The following ITSN1 variants were observed in gnomAD, a reference collection of about 807,000 sequenced individuals.
ITSN1 encodes intersectin 1, also known as intersectin-1.
ITSN1 carries 58 observed loss-of-function variants against 239.8 expected under a neutral mutation model. The ratio of observed to expected loss-of-function variants is 0.24; its 90% CI spans 0.20 to 0.30. The LOEUF (loss-of-function observed/expected upper bound fraction) is 0.30, where lower values mean the gene tolerates loss of function less well. ITSN1 is among the 10% of genes least tolerant of loss of function. ITSN1 has a pLI of 1.00. For synonymous variants in ITSN1, 780 were observed against 770.8 expected, an observed-to-expected ratio of 1.01 and a Z score of -0.20; for missense variants, 1,558 against 2,103.3, an observed-to-expected ratio of 0.74 and a Z score of 5.07.
At chr21:33,805,393 C>T (rs1268353740) in intron 20 of ITSN1, among the ~76,000 whole-genome samples, 2 of 152,184 alleles carry the variant, frequency 1.3e-5, no homozygotes, top group African/African-American at 2.4e-5. Flanking sequence ...CCTTTTTCCT[C>T]TACCTTCCAT....
intron 1 of ITSN1, among the ~76,000 whole-genome samples, chr21:33,710,504 T>C (rs558894735): frequency 1.3e-5 from 2 of 152,296 alleles, no homozygotes; most frequent in East Asian, 3.9e-4. Flanking sequence ...TGGTTTAATC[T>C]TGCCATTTCT....
At chr21:33,711,380 C>T (rs137923907) in intron 1 of ITSN1, among the ~76,000 whole-genome samples, 28 of 151,648 alleles carry the variant, frequency 1.8e-4, no homozygotes, top group Admixed American at 8.5e-4. Context: ...TTTTATTCAT[C>T]CTGCCATATC....
At chr21:33,856,970 G>A in intron 30 of ITSN1, 113 bp downstream of exon 30, 1 of 1,025,970 alleles carries the variant, frequency 9.7e-7, no homozygotes, top group East Asian at 2.5e-5. Context: ...ACTTTCTGAT[G>A]TTTGAGGAGC....
chr21:33,843,366 A>C (rs2074889488), intron 29 of ITSN1, among the ~76,000 whole-genome samples: 1 of 152,152 alleles, frequency 6.6e-6, no homozygotes, highest in Admixed American at 6.5e-5. Context: ...GCCATTGGTA[A>C]GGATTCCAAC....
At chr21:33,876,714 A>G (rs1983977817) in intron 34 of ITSN1, among the ~76,000 whole-genome samples, 1 of 152,222 alleles carries the variant, frequency 6.6e-6, no homozygotes, top group African/African-American at 2.4e-5. Context: ...AAACAGAGTG[A>G]GACCCTGTCT....
intron 30 of ITSN1, 130 bp downstream of exon 30, chr21:33,856,987 A>T (rs1979469971): frequency 2.4e-6 from 2 of 837,964 alleles, no homozygotes; most frequent in Non-Finnish European, 3.8e-6. Context: ...GAGCATCTGG[A>T]TGGCAAATGC....
chr21:33,657,177 C>T (rs1451130545), intron 1 of ITSN1, among the ~76,000 whole-genome samples: 2 of 152,148 alleles, frequency 1.3e-5, no homozygotes, highest in East Asian at 1.9e-4. Flanking sequence ...AACCCCTGCC[C>T]CCGTTTTGGA....
At chr21:33,856,686 T>G (rs750766949) in intron 29 of ITSN1, 50 bp from the exon 30 acceptor site, 1 of 1,611,562 alleles carries the variant, frequency 6.2e-7, no homozygotes, top group Non-Finnish European at 8.5e-7. Context: ...TGAAGTTGTG[T>G]GGGCTTCCCC....
chr21:33,710,541 G>T (rs1197941962), intron 1 of ITSN1, among the ~76,000 whole-genome samples: 1 of 151,884 alleles, frequency 6.6e-6, no homozygotes, highest in Non-Finnish European at 1.5e-5. Context: ...TTATATTTTA[G>T]TATCCTTTTT....
At chr21:33,650,330 C>T (rs964111107) in intron 1 of ITSN1, among the ~76,000 whole-genome samples, 3 of 152,180 alleles carry the variant, frequency 2.0e-5, no homozygotes, top group Non-Finnish European at 4.4e-5. Flanking sequence ...AGGACGCTGA[C>T]TCTTACCATA....
chr21:33,765,485 T>A (rs1229079000), intron 9 of ITSN1, among the ~76,000 whole-genome samples: 1 of 152,072 alleles, frequency 6.6e-6, no homozygotes, highest in Non-Finnish European at 1.5e-5. Flanking sequence ...TGATCATGAC[T>A]GCAGTGAGTC....
At chr21:33,885,664 G>C in intron 38 of ITSN1, 142 bp downstream of exon 38, 1 of 644,578 alleles carries the variant, frequency 1.6e-6, no homozygotes, top group South Asian at 1.9e-5. Context: ...ACTAGCACTT[G>C]TTAAAAACCT....
chr21:33,884,780 A>G lies in ITSN1; in HGVS notation c.4677-261A>G, dbSNP rs118146089. ...CGTGTCCCGATGTTGCCTCCAAGAC[A>G]GCATCTATCACAGATTTTCTTCCCC... On this transcript the variant is annotated intron_variant, in intron 36 of 39. Transcript: ENST00000381318. Among the ~76,000 whole-genome samples the G allele has an allele frequency of 2.8e-4, 42 of 152,336 alleles. No individual in the cohort carries two copies. In the East Asian group the frequency reaches 7.1e-3, roughly 26 times the overall value.
intron 1 of ITSN1, among the ~76,000 whole-genome samples, chr21:33,690,006 G>T (rs147368925): frequency 1.3e-5 from 2 of 150,574 alleles, no homozygotes; most frequent in East Asian, 3.9e-4. Context: ...AAATAAGGCC[G>T]GGTGCAGTGG....
chr21:33,765,463 T>C (rs563090398), intron 9 of ITSN1, among the ~76,000 whole-genome samples: 1 of 152,316 alleles, frequency 6.6e-6, no homozygotes, highest in Admixed American at 6.5e-5. Flanking sequence ...GCAGTGAGGC[T>C]GCAGTGAACT....
chr21:33,700,300 G>A (rs1013020243), intron 1 of ITSN1, among the ~76,000 whole-genome samples: 2 of 152,056 alleles, frequency 1.3e-5, no homozygotes, highest in African/African-American at 4.8e-5. Context: ...GGCCAGGCTG[G>A]TCTCGAACTC....
rs140217182 is a variant in ITSN1, at chr21:33,859,372, G to A, written c.3890+580G>A. On this transcript the variant is annotated intron_variant, in intron 31 of 39. Coordinates refer to ENST00000381318, the MANE Select transcript of ITSN1 (RefSeq NM_003024.3). ...GACTTACTCACTGCCTTTCCTTTTT[G>A]AGCCTTAGTTTCCCCATCTGTAAAA... Among the ~76,000 whole-genome samples the A allele has an allele frequency of 2.4e-4, 36 of 151,952 alleles. No individual in the cohort carries two copies. In the East Asian group the frequency reaches 6.8e-3, roughly 29 times the overall value.
chr21:33,697,547 G>A (rs549126173), intron 1 of ITSN1, among the ~76,000 whole-genome samples: 39 of 151,944 alleles, frequency 2.6e-4, no homozygotes, highest in African/African-American at 8.4e-4. Flanking sequence ...TATTTGAGAG[G>A]ACTGGAAAGT....
intron 29 of ITSN1, among the ~76,000 whole-genome samples, chr21:33,849,061 T>G (rs2075075074): frequency 6.6e-6 from 1 of 151,914 alleles, no homozygotes; most frequent in African/African-American, 2.4e-5. Context: ...GCCAACATGG[T>G]GAAACCCCGT....
Sources: gnomAD v4.1 joint callset for allele counts (sites outside exome capture counted in the v4.1 genomes callset) on GRCh38, gnomAD v4.1.1 for gene constraint, MANE v1.5 for transcripts, NCBI Gene and HGNC (gene_info 2026-07-23, HGNC 2026-07-21) for gene names.